Variants in PKN2 observed in about 807,000 individuals in gnomAD.
The protein encoded by PKN2 is serine/threonine-protein kinase N2.
A neutral mutation model predicts 119.1 loss-of-function variants in PKN2; 38 were observed. The ratio of observed to expected loss-of-function variants is 0.32; its 90% confidence interval spans 0.25 to 0.42. The LOEUF is 0.42. Among genes scored for constraint, PKN2 ranks in the 10% least tolerant of loss-of-function variants. The pLI is 1.00. For missense variants in PKN2, 850 were observed against 1,165.1 expected (o/e 0.73, Z 3.94); for synonymous variants, 390 against 384.9 (o/e 1.01, Z -0.15).
intron 15 of PKN2, among the ~76,000 whole-genome samples, chr1:88,810,296 ATTT>A (rs905630234): frequency 4.0e-5 from 6 of 150,676 alleles, no homozygotes; most frequent in African/African-American, 1.5e-4. Context: ...AATTTTTTGT[ATTT>A]TTAGTAGAAA....
chr1:88,818,631 GAGTGAGACT>G (rs1208366629), intron 16 of PKN2, among the ~76,000 whole-genome samples: 1 of 146,712 alleles, frequency 6.8e-6, no homozygotes, highest in African/African-American at 2.6e-5. Context: ...CTGGGCAACA[GAGTGAGACT>G]CCTTCTCAAA....
rs776578015 is a variant in PKN2 at position 88,805,908 on chromosome 1, A to G, written c.1694A>G (p.Lys565Arg). 6.2e-7 allele frequency: 1 copy of G among 1,614,098 alleles called. No homozygotes were observed. Among genetic ancestry groups the G allele is most frequent in the Non-Finnish European group, 8.5e-7 (1 of 1,179,964 alleles). ...TCTATAAGTGATTCTACAGTAACCAAATTGGACTTTGATCTTGAGCCTGAA... is the reference window on the plus strand; with the variant it reads ...TCTATAAGTGATTCTACAGTAACCAGATTGGACTTTGATCTTGAGCCTGAA... ...APPASDSTVT[K>R]LDFDLEPEPP... Residue 565 changes from lysine (K) to arginine (R), a missense_variant, in exon 12 of 22, where the codon AAA (lysine) becomes AGA (arginine). Transcript: ENST00000370521.
chr1:88,796,577 G>C (rs1381629609), intron 8 of PKN2, among the ~76,000 whole-genome samples: 1 of 151,958 alleles, frequency 6.6e-6, no homozygotes, highest in African/African-American at 2.4e-5. Flanking sequence ...TTTCCCCTCT[G>C]ATGACTTTGT....
chr1:88,795,203 T>C, intron 8 of PKN2, among the ~76,000 whole-genome samples: 1 of 152,162 alleles, frequency 6.6e-6, no homozygotes, highest in East Asian at 1.9e-4. Context: ...TCTTCCTCCT[T>C]GGTTTCAGAG....
At chr1:88,804,359 GTTTTC>G in intron 8 of PKN2, 27 bp from the exon 9 acceptor site, 2 of 1,526,374 alleles carry the variant, frequency 1.3e-6, no homozygotes, top group Non-Finnish European at 1.8e-6. Flanking sequence ...TGTCTTTTCT[GTTTTC>G]TTTATTATTT....
chr1:88,755,630 C>T (rs369564942), intron 2 of PKN2, among the ~76,000 whole-genome samples: 15 of 152,088 alleles, frequency 9.9e-5, no homozygotes, highest in South Asian at 4.1e-4. Flanking sequence ...TTTTAAGCAT[C>T]GACCTGAGCA....
At position 88,760,063 on chromosome 1, in the gene PKN2, A is replaced by G. The variant is rs149568979; in HGVS notation, c.350-159A>G. On this transcript the variant is annotated intron_variant, in intron 2 of 21. Transcript: ENST00000370521. Reference sequence around the variant, plus strand: ...AGATACGTGTTTTTTTTTTTTTTGCATGAATTGGTTGAATTCATGGATTAT... The same window carrying G: ...AGATACGTGTTTTTTTTTTTTTTGCGTGAATTGGTTGAATTCATGGATTAT... Among the ~76,000 whole-genome samples, 222 of 145,960 alleles carry G rather than the reference A, an allele frequency of 1.5e-3. 4 individuals are homozygous for G. In the East Asian group the frequency reaches 0.04, roughly 26 times the overall value.
chr1:88,818,660 A>AG (rs1557633548), intron 16 of PKN2, among the ~76,000 whole-genome samples: 2 of 151,706 alleles, frequency 1.3e-5, no homozygotes, highest in East Asian at 1.9e-4. Context: ...AAAAAAAAAA[A>AG]AAAGAAAAAG....
intron 2 of PKN2, among the ~76,000 whole-genome samples, chr1:88,756,621 CT>C (rs1669214267): frequency 6.6e-6 from 1 of 152,122 alleles, no homozygotes; most frequent in South Asian, 2.1e-4. Context: ...TATAAGCTAT[CT>C]TTATATACCA....
intron 15 of PKN2, among the ~76,000 whole-genome samples, chr1:88,808,508 G>A (rs1256395538): frequency 6.6e-6 from 1 of 151,930 alleles, no homozygotes; most frequent in Non-Finnish European, 1.5e-5. Context: ...GTTTCACCAT[G>A]TTAGCCAGGA....
chr1:88,725,506 T>C (rs1011693181), intron 1 of PKN2, among the ~76,000 whole-genome samples: 6 of 152,222 alleles, frequency 3.9e-5, no homozygotes, highest in African/African-American at 1.4e-4. Context: ...TAGCTAATGA[T>C]GTTGGCAATC....
chr1:88,803,407 G>T (rs2100870471), intron 8 of PKN2, among the ~76,000 whole-genome samples: 1 of 152,164 alleles, frequency 6.6e-6, no homozygotes, highest in African/African-American at 2.4e-5. Flanking sequence ...TATAAAATAA[G>T]TAATTTATTG....
At chr1:88,724,890 T>TA (rs1444051740) in intron 1 of PKN2, among the ~76,000 whole-genome samples, 2 of 145,882 alleles carry the variant, frequency 1.4e-5, no homozygotes, top group Admixed American at 1.4e-4. Context: ...TGGTTTTTTT[T>TA]TTTTTTTTTT....
chr1:88,744,083 T>G (rs1557582037), intron 2 of PKN2, among the ~76,000 whole-genome samples: 4 of 150,218 alleles, frequency 2.7e-5, no homozygotes, highest in African/African-American at 7.6e-5. Flanking sequence ...TTTACTAACT[T>G]AACAATCTAA....
intron 1 of PKN2, among the ~76,000 whole-genome samples, chr1:88,727,229 T>G (rs890486793): frequency 6.6e-6 from 1 of 152,034 alleles, no homozygotes; most frequent in Non-Finnish European, 1.5e-5. Context: ...GGTATTAATA[T>G]GGTTACTTTT....
intron 1 of PKN2, among the ~76,000 whole-genome samples, chr1:88,710,257 A>G (rs946735161): frequency 1.3e-5 from 2 of 152,190 alleles, no homozygotes; most frequent in Non-Finnish European, 2.9e-5. Context: ...TAAAGAAGAG[A>G]TTAATTGAAG....
intron 1 of PKN2, among the ~76,000 whole-genome samples, chr1:88,715,355 T>A (rs1181456604): frequency 6.6e-6 from 1 of 152,242 alleles, no homozygotes; most frequent in Non-Finnish European, 1.5e-5. Flanking sequence ...CCAGCTCTTC[T>A]TTGTACCTGT....
intron 1 of PKN2, among the ~76,000 whole-genome samples, chr1:88,739,697 A>G (rs146343483): frequency 5.1e-4 from 78 of 152,338 alleles, no homozygotes; most frequent in African/African-American, 1.8e-3. Flanking sequence ...TTTAAATCCA[A>G]TGGTATTATA....
chr1:88,804,659 T>A, intron 9 of PKN2, 125 bp downstream of exon 9: 1 of 918,914 alleles, frequency 1.1e-6, no homozygotes, highest in Non-Finnish European at 1.7e-6. Flanking sequence ...GGCTGAGCTA[T>A]GCCACTGAAT....
Sources: gnomAD v4.1 joint callset for allele counts (sites outside exome capture counted in the v4.1 genomes callset) on GRCh38, gnomAD v4.1.1 for gene constraint, MANE v1.5 for transcripts, NCBI Gene and HGNC (gene_info 2026-07-23, HGNC 2026-07-21) for gene names.